MAD1L1: variants seen among roughly 807,000 people sequenced by gnomAD.
MAD1L1 encodes mitotic arrest deficient 1 like 1, also known as mitotic spindle assembly checkpoint protein MAD1.
Under a neutral mutation model 96.9 loss-of-function variants are expected in MAD1L1, and 95 were observed. That is an observed-to-expected ratio of 0.98 (90% CI 0.83 to 1.16). The LOEUF (loss-of-function observed/expected upper bound fraction) is 1.16, where lower values mean the gene tolerates loss of function less well. Ranked by LOEUF, MAD1L1 falls within the 50% of genes most tolerant of loss-of-function variation. The pLI is 0.00. For synonymous variants in MAD1L1, 473 were observed against 396.6 expected (o/e 1.19, Z -2.29); for missense variants, 1,007 against 954.4 (o/e 1.06, Z -0.73).
chr7:2,171,320 C>A (rs1219242512), intron 10 of MAD1L1, among the ~76,000 whole-genome samples: 1 of 152,234 alleles, frequency 6.6e-6, no homozygotes, highest in Non-Finnish European at 1.5e-5. Context: ...TAGGCTCTTA[C>A]CCAGTAGGCT....
At chr7:2,212,042 G>A (rs1478977681) in intron 10 of MAD1L1, among the ~76,000 whole-genome samples, 1 of 152,210 alleles carries the variant, frequency 6.6e-6, no homozygotes, top group Non-Finnish European at 1.5e-5. Flanking sequence ...GAGACCTGGC[G>A]CACACAGGGC....
chr7:2,015,369 T>C (rs1002403548), intron 12 of MAD1L1, among the ~76,000 whole-genome samples: 2 of 152,166 alleles, frequency 1.3e-5, no homozygotes, highest in Non-Finnish European at 2.9e-5. Context: ...AGGGCTCAGC[T>C]TCCTGGGATG....
At chr7:1,874,718 G>C (rs1409810053) in intron 18 of MAD1L1, among the ~76,000 whole-genome samples, 1 of 152,076 alleles carries the variant, frequency 6.6e-6, no homozygotes, top group African/African-American at 2.4e-5. Flanking sequence ...TGGCTCAGCA[G>C]GACCCACAGG....
At chr7:1,825,183 C>T (rs538859856) in intron 18 of MAD1L1, among the ~76,000 whole-genome samples, 9 of 152,342 alleles carry the variant, frequency 5.9e-5, no homozygotes, top group Non-Finnish European at 1.2e-4. Flanking sequence ...ACACGGGTTC[C>T]CCACTGCGGA....
chr7:1,933,502 C>T (rs1789600833), intron 17 of MAD1L1, among the ~76,000 whole-genome samples: 1 of 152,176 alleles, frequency 6.6e-6, no homozygotes, highest in South Asian at 2.1e-4. Context: ...GTCCAGGGAC[C>T]TTGCCAGCCC....
chr7:1,908,985 C>A (rs1787848000), intron 17 of MAD1L1, among the ~76,000 whole-genome samples: 1 of 152,224 alleles, frequency 6.6e-6, no homozygotes, highest in African/African-American at 2.4e-5. Flanking sequence ...CCAGCATTGG[C>A]ATCTCCAGAT....
chr7:1,949,635 A>G (rs1779395511), intron 16 of MAD1L1, among the ~76,000 whole-genome samples: 1 of 152,156 alleles, frequency 6.6e-6, no homozygotes, highest in African/African-American at 2.4e-5. Context: ...GAAACCCCAC[A>G]GGCACCGGCA....
intron 11 of MAD1L1, among the ~76,000 whole-genome samples, chr7:2,080,394 C>A (rs920039814): frequency 6.6e-6 from 1 of 152,192 alleles, no homozygotes; most frequent in African/African-American, 2.4e-5. Context: ...GAGTTCCCAC[C>A]CACCTGAGGC....
At chr7:1,875,599 GA>G (rs901262007) in intron 18 of MAD1L1, among the ~76,000 whole-genome samples, 37 of 152,212 alleles carry the variant, frequency 2.4e-4, no homozygotes, top group African/African-American at 8.7e-4. Context: ...GCAGGGAGAG[GA>G]AAGGCGGCAA....
intron 10 of MAD1L1, among the ~76,000 whole-genome samples, chr7:2,185,714 G>A (rs1000257053): frequency 1.3e-5 from 2 of 152,100 alleles, no homozygotes; most frequent in Admixed American, 6.5e-5. Context: ...GGAAGCTAGT[G>A]TGACTGGGGA....
intron 11 of MAD1L1, among the ~76,000 whole-genome samples, chr7:2,099,343 T>C (rs1447545730): frequency 1.3e-5 from 2 of 152,230 alleles, no homozygotes; most frequent in Non-Finnish European, 2.9e-5. Flanking sequence ...ACAGGAGTTG[T>C]TTCCCGCAGC....
chr7:1,872,323 C>T (rs992174881), intron 18 of MAD1L1, among the ~76,000 whole-genome samples: 1 of 152,220 alleles, frequency 6.6e-6, no homozygotes. Context: ...GCGGCCTGGC[C>T]GATGGCCCTG....
At chr7:1,947,825 C>G (rs1303856125) in intron 16 of MAD1L1, among the ~76,000 whole-genome samples, 1 of 152,228 alleles carries the variant, frequency 6.6e-6, no homozygotes, top group East Asian at 1.9e-4. Context: ...AGCAGGAGGG[C>G]TGAAGGGCTG....
chr7:1,890,271 A>C, intron 18 of MAD1L1, among the ~76,000 whole-genome samples: 1 of 152,160 alleles, frequency 6.6e-6, no homozygotes, highest in Admixed American at 6.5e-5. Flanking sequence ...AGTGTGGCCT[A>C]TGGGGAGGAG....
At chr7:2,033,755 A>G (rs1214525827) in intron 12 of MAD1L1, among the ~76,000 whole-genome samples, 1 of 152,256 alleles carries the variant, frequency 6.6e-6, no homozygotes, top group Admixed American at 6.5e-5. Context: ...AAAACGAGTC[A>G]GCAAAACTGG....
At chr7:2,196,141 C>T (rs1791974048) in intron 10 of MAD1L1, among the ~76,000 whole-genome samples, 1 of 152,210 alleles carries the variant, frequency 6.6e-6, no homozygotes, top group Non-Finnish European at 1.5e-5. Context: ...TGCCCTTGGG[C>T]CAGTCAGCCC....
chr7:2,121,379 G>C (rs557107865), intron 11 of MAD1L1, among the ~76,000 whole-genome samples: 1 of 152,222 alleles, frequency 6.6e-6, no homozygotes, highest in African/African-American at 2.4e-5. Flanking sequence ...GGAGGCTGCG[G>C]ATACGCCACA....
intron 15 of MAD1L1, among the ~76,000 whole-genome samples, chr7:1,965,620 C>T (rs182980939): frequency 1.5e-4 from 23 of 152,360 alleles, no homozygotes; most frequent in East Asian, 7.7e-4. Context: ...ATGGACTCCC[C>T]GGCCCCCGTG....
At chr7:2,138,203 C>T (rs1584408455) in intron 11 of MAD1L1, among the ~76,000 whole-genome samples, 1 of 152,074 alleles carries the variant, frequency 6.6e-6, no homozygotes, top group African/African-American at 2.4e-5. Flanking sequence ...TTTTAACTTG[C>T]TAAAGAGGGT....
Sources: allele counts gnomAD v4.1 joint callset (sites outside exome capture counted in the v4.1 genomes callset), GRCh38; gene constraint gnomAD v4.1.1; transcripts MANE v1.5; gene names NCBI Gene and HGNC (gene_info 2026-07-23, HGNC 2026-07-21).